Variants in NLRP13 observed in about 807,000 individuals in gnomAD.
NLRP13 encodes NLR family pyrin domain containing 13, also known as NACHT, LRR and PYD domains-containing protein 13.
Under a neutral mutation model 94.4 loss-of-function variants are expected in NLRP13, and 82 were observed. That is an observed-to-expected ratio of 0.87 (90% CI 0.73 to 1.04). The LOEUF (loss-of-function observed/expected upper bound fraction) is 1.04, where lower values mean the gene tolerates loss of function less well. Ranked by LOEUF, NLRP13 falls within the 50% of genes least tolerant of loss-of-function variation. The pLI, the probability that NLRP13 is intolerant of heterozygous loss-of-function variation, is 0.00. For missense variants in NLRP13, 1,426 were observed against 1,230.8 expected (o/e 1.16, Z -2.37); for synonymous variants, 553 against 464.7 (o/e 1.19, Z -2.45).
At chr19:55,914,643 A>G (rs1986632555) in intron 4 of NLRP13, among the ~76,000 whole-genome samples, 1 of 152,198 alleles carries the variant, frequency 6.6e-6, no homozygotes, top group African/African-American at 2.4e-5. Flanking sequence ...TATATTAGTG[A>G]GATGGGGCAG....
Position 55,911,844 on chromosome 19 carries a change from A to C in NLRP13, c.1973T>G (p.Ile658Ser). The change falls in exon 5 of 11, where the codon ATC becomes AGC. Residue 658 changes from isoleucine to serine, a missense_variant. Ile to Ser is a moderately radical substitution (Grantham distance 142). Transcript: ENST00000342929. Reference protein sequence around the residue: ...EDFTKKMLGRIFEVDLNILED... With the variant: ...EDFTKKMLGRSFEVDLNILED... ...CAAAATATTAAGGTCAACTTCAAAG[A>C]TACGACCCAACATCTTCTTTGTGAA... 1 of 1,614,218 alleles carries C rather than the reference A, an allele frequency of 6.2e-7. No homozygotes were observed.
At chr19:55,926,161 C>T (rs758786305) in intron 1 of NLRP13, among the ~76,000 whole-genome samples, 4 of 152,238 alleles carry the variant, frequency 2.6e-5, no homozygotes, top group South Asian at 4.1e-4. Flanking sequence ...ACGAATCCAA[C>T]GATGTGAGCC....
At chr19:55,911,116 TCAG>T (rs1986497345) in intron 5 of NLRP13, among the ~76,000 whole-genome samples, 1 of 152,174 alleles carries the variant, frequency 6.6e-6, no homozygotes, top group African/African-American at 2.4e-5. Flanking sequence ...CTGACAGCTC[TCAG>T]CATTGTAGCA....
At position 55,912,593 on chromosome 19, in the gene NLRP13, G is replaced by C. The variant is rs771377218; in HGVS notation, c.1224C>G (p.Ile408Met). Reference protein sequence around the residue: ...HFDDSSEVEKILQQLRKNETL... With the variant: ...HFDDSSEVEKMLQQLRKNETL... ...TTTCGTTTTTTCTTAGCTGCTGCAG[G>C]ATTTTCTCAACTTCACTTGAGTCAT... is the stretch of plus-strand genomic sequence containing the variant. Residue 408 changes from isoleucine (I) to methionine (M), a missense_variant, in exon 5 of 11, where the codon ATC becomes ATG. Coordinates refer to ENST00000342929, the MANE Select transcript of NLRP13 (RefSeq NM_176810.2). The C allele has an allele frequency of 4.3e-6, 7 of 1,614,076 alleles. No homozygotes were observed. In the Admixed American group the frequency reaches 8.3e-5, roughly 19 times the overall value.
rs1462253631 is a variant in NLRP13 at position 55,896,080 on chromosome 19, A to C, written c.2997T>G (p.His999Gln). The C allele has an allele frequency of 6.2e-7, 1 of 1,614,162 alleles. No homozygotes were observed. The highest frequency in any genetic ancestry group is 1.7e-5 in the Admixed American group (1 of 60,022). Residue 999 changes from histidine (H) to glutamine (Q), a missense_variant, in exon 11 of 11, where the codon CAT becomes CAG. Transcript: ENST00000342929. ...KCNLTTACCQ[H>Q]LFSVLSSSKS... ...TACTGCTGCTGAGAACAGAGAAGAG[A>C]TGCTGGCAGCAAGCAGTTGTCAGAT...
chr19:55,914,810 T>C (rs1986636113), intron 4 of NLRP13, among the ~76,000 whole-genome samples: 1 of 152,244 alleles, frequency 6.6e-6, no homozygotes, highest in African/African-American at 2.4e-5. Context: ...ATATTTTCTT[T>C]ATCCATTCAT....
At chr19:55,930,404 A>G (rs11667287) in intron 1 of NLRP13, among the ~76,000 whole-genome samples, 27,990 of 152,044 alleles carry the variant, frequency 0.18, 2,783 homozygotes, top group African/African-American at 0.26. Context: ...CCTGGTTTAT[A>G]GCCAGGCATG....
intron 9 of NLRP13, among the ~76,000 whole-genome samples, chr19:55,901,773 A>G (rs1264543275): frequency 2.6e-5 from 4 of 152,096 alleles, no homozygotes; most frequent in Non-Finnish European, 4.4e-5. Context: ...GAAGTGTAGC[A>G]TGAATACGAC....
intron 3 of NLRP13, 82 bp downstream of exon 3, chr19:55,924,508 C>A: frequency 2.1e-6 from 2 of 947,360 alleles, no homozygotes; most frequent in Non-Finnish European, 3.4e-6. Context: ...CAAGAAATTT[C>A]AGCATAGGCA....
chr19:55,913,370 AC>A (rs1986588026), intron 4 of NLRP13, 77 bp from the exon 5 acceptor site: 3 of 1,448,346 alleles, frequency 2.1e-6, no homozygotes, highest in African/African-American at 2.8e-5. Flanking sequence ...CAAAGTTCCT[AC>A]CCCAAAGACT....
At chr19:55,899,480 C>A (rs1049967439) in intron 9 of NLRP13, among the ~76,000 whole-genome samples, 1 of 149,714 alleles carries the variant, frequency 6.7e-6, no homozygotes, top group East Asian at 2.0e-4. Context: ...AAACCCACCC[C>A]CCCCATCCCA....
chr19:55,923,899 A>T lies in NLRP13; in HGVS notation c.523+15T>A. ...AAGCAACCTGTCCATTATCAACATA[A>T]AGTAGTATACACACCTGCTTCCTCT... is the stretch of plus-strand genomic sequence containing the variant. On this transcript the variant is annotated intron_variant, in intron 4 of 10. Coordinates refer to ENST00000342929, the MANE Select transcript of NLRP13 (RefSeq NM_176810.2). 1.2e-6 allele frequency: 2 copies of T among 1,603,840 alleles called. No homozygotes were observed. Among genetic ancestry groups the T allele is most frequent in the Non-Finnish European group, 8.5e-7 (1 of 1,170,670 alleles).
chr19:55,910,491 C>A, intron 6 of NLRP13, 72 bp downstream of exon 6: 1 of 1,389,226 alleles, frequency 7.2e-7, no homozygotes, highest in Non-Finnish European at 9.7e-7. Context: ...TAGTCAACCA[C>A]ACTCATCAAA....
Position 55,912,568 on chromosome 19 carries a change from T to A in NLRP13, c.1249A>T (p.Thr417Ser). Residue 417 changes from threonine (T) to serine (S), a missense_variant, in exon 5 of 11, where the codon ACT becomes TCT. Transcript: ENST00000342929. ...GGGGCACTGCAGGAATGAAAGAGAG[T>A]TTCGTTTTTTCTTAGCTGCTGCAGG... ...KILQQLRKNE[T>S]LFHSCSAPMV... 6.2e-7 allele frequency: 1 copy of A among 1,613,790 alleles called. No individual in the cohort carries two copies. Among genetic ancestry groups the A allele is most frequent in the South Asian group, 1.1e-5 (1 of 91,054 alleles).
At chr19:55,931,872 T>C (rs1987155218) in intron 1 of NLRP13, 121 bp downstream of exon 1, 2 of 805,360 alleles carry the variant, frequency 2.5e-6, no homozygotes, top group East Asian at 2.6e-5. Context: ...TCATAGATTA[T>C]CAAGGAGGAT....
chr19:55,921,091 T>A (rs1986813152), intron 4 of NLRP13, among the ~76,000 whole-genome samples: 1 of 152,094 alleles, frequency 6.6e-6, no homozygotes, highest in Middle Eastern at 3.2e-3. Context: ...TAGAATGGAA[T>A]AATAGACGTT....
intron 1 of NLRP13, among the ~76,000 whole-genome samples, chr19:55,928,921 A>G (rs374819185): frequency 2.0e-5 from 3 of 152,084 alleles, no homozygotes; most frequent in African/African-American, 7.2e-5. Context: ...GAATCTACAA[A>G]CAACTTAAAT....
At chr19:55,908,673 C>G (rs1986421594) in intron 6 of NLRP13, among the ~76,000 whole-genome samples, 1 of 152,154 alleles carries the variant, frequency 6.6e-6, no homozygotes, top group East Asian at 1.9e-4. Flanking sequence ...AATGCAGGAA[C>G]AGAAAACAAA....
At position 55,912,072 on chromosome 19, in the gene NLRP13, G is replaced by T. The variant is rs770048219; in HGVS notation, c.1745C>A (p.Thr582Asn). 3.6e-5 allele frequency: 58 copies of T among 1,614,100 alleles called. No homozygotes were observed. The South Asian group carries it at 6.1e-4, about 17-fold the overall frequency. ...HVLLDKEAYW[T>N]PVVLFFFGLL... ...ACCAAAGAAGAACAGAACCACTGGA[G>T]TCCAGTAGGCTTCTTTGTCAAGCAA... The change falls in exon 5 of 11, where the codon ACT becomes AAT. Residue 582 changes from threonine (T) to asparagine (N), a missense_variant. Coordinates refer to ENST00000342929, the MANE Select transcript of NLRP13 (RefSeq NM_176810.2).
Sources: gnomAD v4.1 joint callset for allele counts (sites outside exome capture counted in the v4.1 genomes callset) on GRCh38, gnomAD v4.1.1 for gene constraint, MANE v1.5 for transcripts, NCBI Gene and HGNC (gene_info 2026-07-23, HGNC 2026-07-21) for gene names.